The following SLC9A9 variants were observed in gnomAD, a reference collection of about 807,000 sequenced individuals.
The protein encoded by SLC9A9 is solute carrier family 9 member A9, also known as sodium/hydrogen exchanger 9.
In SLC9A9, 62 loss-of-function variants were observed where a neutral mutation model predicts 77.8. The observed-to-expected ratio is 0.80, with a 90% CI of 0.65 to 0.98. The LOEUF is 0.98. Ranked by LOEUF, SLC9A9 falls within the 50% of genes least tolerant of loss-of-function variation. The probability of loss-of-function intolerance (pLI) is 0.00; values close to 1 mark genes in which losing one functional copy is unlikely to be tolerated. For missense variants in SLC9A9, 775 were observed against 774.9 expected, an observed-to-expected ratio of 1.00 and a Z score of 0.00; for synonymous variants, 320 against 283.5, an observed-to-expected ratio of 1.13 and a Z score of -1.29.
chr3:143,538,491 A>C (rs2036630618), intron 9 of SLC9A9, among the ~76,000 whole-genome samples: 2 of 152,226 alleles, frequency 1.3e-5, no homozygotes, highest in Admixed American at 1.3e-4. Context: ...AGAACACCTG[A>C]ATAAGGACAT....
At chr3:143,607,488 CG>C (rs2037947424) in intron 6 of SLC9A9, among the ~76,000 whole-genome samples, 3 of 152,056 alleles carry the variant, frequency 2.0e-5, no homozygotes, top group Admixed American at 6.6e-5. Context: ...GCATAAATAA[CG>C]GAAGGGATGA....
intron 4 of SLC9A9, among the ~76,000 whole-genome samples, chr3:143,695,061 C>T (rs1933590540): frequency 6.6e-6 from 1 of 152,120 alleles, no homozygotes; most frequent in Non-Finnish European, 1.5e-5. Flanking sequence ...AGGCCTCATT[C>T]TTGGCAGCTC....
intron 6 of SLC9A9, among the ~76,000 whole-genome samples, chr3:143,626,377 C>A (rs926947603): frequency 6.6e-6 from 1 of 152,082 alleles, no homozygotes; most frequent in East Asian, 1.9e-4. Context: ...AAATGTCCAA[C>A]AATGATAGAC....
chr3:143,736,751 G>T (rs1934951373), intron 4 of SLC9A9, among the ~76,000 whole-genome samples: 1 of 152,166 alleles, frequency 6.6e-6, no homozygotes. Flanking sequence ...GCATATGAAG[G>T]CGAGGGTAGT....
At chr3:143,321,196 G>A (rs6765602) in intron 14 of SLC9A9, among the ~76,000 whole-genome samples, 16,454 of 152,168 alleles carry the variant, frequency 0.11, 2,175 homozygotes, top group African/African-American at 0.31. Context: ...AATGCCTGAA[G>A]GTTATCACAG....
intron 4 of SLC9A9, among the ~76,000 whole-genome samples, chr3:143,693,677 G>A (rs536664602): frequency 2.0e-5 from 3 of 152,216 alleles, no homozygotes; most frequent in South Asian, 2.1e-4. Context: ...AGTTTTCCTT[G>A]TTTTGTCACT....
intron 4 of SLC9A9, among the ~76,000 whole-genome samples, chr3:143,757,219 C>T (rs530402716): frequency 2.0e-4 from 30 of 152,152 alleles, no homozygotes; most frequent in Non-Finnish European, 3.4e-4. Flanking sequence ...TGTAGATTTG[C>T]GACACCTAAA....
intron 9 of SLC9A9, among the ~76,000 whole-genome samples, chr3:143,530,225 A>C (rs1366501953): frequency 6.6e-6 from 1 of 152,228 alleles, no homozygotes; most frequent in African/African-American, 2.4e-5. Context: ...CTGTGTCCCC[A>C]CACAAATCTC....
chr3:143,290,879 A>C (rs923726857), intron 14 of SLC9A9, among the ~76,000 whole-genome samples: 2 of 152,238 alleles, frequency 1.3e-5, no homozygotes, highest in African/African-American at 4.8e-5. Flanking sequence ...TTTGAGAATC[A>C]GTAAAATCAT....
intron 1 of SLC9A9, among the ~76,000 whole-genome samples, chr3:143,835,414 A>T (rs1379132760): frequency 3.3e-5 from 5 of 152,218 alleles, no homozygotes; most frequent in Non-Finnish European, 7.3e-5. Context: ...CCATGCACTC[A>T]TTTGTGCACT....
chr3:143,807,914 G>A (rs1055113968), intron 2 of SLC9A9, among the ~76,000 whole-genome samples: 4 of 152,278 alleles, frequency 2.6e-5, no homozygotes, highest in Non-Finnish European at 4.4e-5. Context: ...AGAAGGTGCC[G>A]GTAGAGGGCT....
At chr3:143,475,536 T>C (rs1045492036) in intron 11 of SLC9A9, among the ~76,000 whole-genome samples, 4 of 151,676 alleles carry the variant, frequency 2.6e-5, no homozygotes, top group African/African-American at 9.7e-5. Context: ...CTCATGCCTG[T>C]AATCCCAGCA....
chr3:143,501,524 C>T lies in SLC9A9; in HGVS notation c.1090-6076G>A, dbSNP rs183030666. Among the ~76,000 whole-genome samples the T allele has an allele frequency of 2.6e-5, 4 of 150,960 alleles. No homozygotes were observed. In the East Asian group the frequency reaches 5.8e-4, roughly 22 times the overall value. ...TTAAGCATAGTAAAAATCTGCCCTT[C>T]AGAAAGAATGAAGCAATTTGCATCT... On this transcript the variant is annotated intron_variant, in intron 9 of 15. Coordinates refer to ENST00000316549, the MANE Select transcript of SLC9A9 (RefSeq NM_173653.4).
rs529526821 is a variant in SLC9A9, at chr3:143,568,708, G to A, written c.1000+5380C>T. On this transcript the variant is annotated intron_variant, in intron 8 of 15. Transcript: ENST00000316549. ...AAATTATTCATTCCACTGCTCGAACGATATTTATTTTGTGCCCACAATGCT... is the reference window on the plus strand; with the variant it reads ...AAATTATTCATTCCACTGCTCGAACAATATTTATTTTGTGCCCACAATGCT... Among the ~76,000 whole-genome samples the A allele has an allele frequency of 2.4e-4, 36 of 152,140 alleles. 1 individual carries two copies. The highest frequency in any genetic ancestry group is 3.4e-3 in the Middle Eastern group (1 of 294).
At chr3:143,821,549 C>T (rs946373404) in intron 2 of SLC9A9, among the ~76,000 whole-genome samples, 4 of 151,960 alleles carry the variant, frequency 2.6e-5, no homozygotes, top group Admixed American at 6.6e-5. Flanking sequence ...TTTTTGGGGA[C>T]GTGAAAAATG....
At chr3:143,709,709 G>A (rs1934089235) in intron 4 of SLC9A9, among the ~76,000 whole-genome samples, 1 of 152,128 alleles carries the variant, frequency 6.6e-6, no homozygotes, top group Admixed American at 6.6e-5. Context: ...TTATTGAATA[G>A]CATTGTTACT....
intron 15 of SLC9A9, 44 bp downstream of exon 15, chr3:143,268,831 C>T: frequency 2.0e-6 from 3 of 1,504,408 alleles, no homozygotes; most frequent in East Asian, 2.3e-5. Flanking sequence ...AAGTCTGTCC[C>T]ACAAGGGATA....
chr3:143,274,269 A>C (rs1415551019), intron 14 of SLC9A9, among the ~76,000 whole-genome samples: 2 of 152,240 alleles, frequency 1.3e-5, no homozygotes, highest in Non-Finnish European at 2.9e-5. Context: ...CCATTCAGGA[A>C]TACTGTACCC....
chr3:143,381,133 C>G (rs1285399644), intron 13 of SLC9A9, among the ~76,000 whole-genome samples: 1 of 152,182 alleles, frequency 6.6e-6, no homozygotes, highest in Non-Finnish European at 1.5e-5. Context: ...GGTTCAAATT[C>G]AGTTTGGAGA....
Sources: allele counts gnomAD v4.1 joint callset (sites outside exome capture counted in the v4.1 genomes callset), GRCh38; gene constraint gnomAD v4.1.1; transcripts MANE v1.5; gene names NCBI Gene and HGNC (gene_info 2026-07-23, HGNC 2026-07-21).